The following PARN variants were observed in gnomAD, a reference collection of about 807,000 sequenced individuals.
PARN encodes poly(A)-specific ribonuclease, also known as poly(A)-specific ribonuclease PARN.
Under a neutral mutation model 102.8 loss-of-function variants are expected in PARN, and 71 were observed. The observed-to-expected ratio is 0.69, with a 90% CI of 0.57 to 0.84. The LOEUF (loss-of-function observed/expected upper bound fraction) is 0.84. Among genes scored for constraint, PARN ranks in the 40% least tolerant of loss-of-function variants. The probability of loss-of-function intolerance (pLI) is 0.00; values close to 1 mark genes in which losing one functional copy is unlikely to be tolerated. For missense variants in PARN, 782 were observed against 760.9 expected (o/e 1.03, Z -0.33); for synonymous variants, 261 against 252.9 (o/e 1.03, Z -0.30).
At chr16:14,622,616 T>C (rs1011164160) in intron 5 of PARN, among the ~76,000 whole-genome samples, 1 of 152,236 alleles carries the variant, frequency 6.6e-6, no homozygotes, top group Non-Finnish European at 1.5e-5. Context: ...ACCATTCTCC[T>C]GCCTCAGCCT....
At chr16:14,607,048 T>A (rs1452338782) in intron 9 of PARN, among the ~76,000 whole-genome samples, 1 of 151,918 alleles carries the variant, frequency 6.6e-6, no homozygotes. Context: ...CCCAAAGTAT[T>A]GGGATTACAG....
Position 14,446,403 on chromosome 16 carries a change from A to T in PARN, c.1864+485T>A, listed in dbSNP as rs142462289. Among the ~76,000 whole-genome samples the T allele has an allele frequency of 8.5e-5, 13 of 152,324 alleles. No individual in the cohort carries two copies. The East Asian group carries it at 2.5e-3, about 29-fold the overall frequency. On this transcript the variant is annotated intron_variant, in intron 23 of 23. Coordinates refer to ENST00000437198, the MANE Select transcript of PARN (RefSeq NM_002582.4). The stretch of plus-strand genomic sequence containing the variant: ...AATAAGGAGAGAAATGGCTCCTACT[A>T]CAGCGTCTAGCATGTAGTAGGCTCT...
At chr16:14,563,695 C>G (rs1968248037) in intron 18 of PARN, among the ~76,000 whole-genome samples, 1 of 148,966 alleles carries the variant, frequency 6.7e-6, no homozygotes, top group South Asian at 2.1e-4. Flanking sequence ...ACCACCGCAC[C>G]TGGCTTTTTT....
Position 14,593,330 on chromosome 16 carries a change from CTG to C in PARN, c.887_888del (p.Thr296SerfsTer14), listed in dbSNP as rs1970309647. On this transcript the variant is annotated frameshift_variant, in exon 13 of 24. Coordinates refer to ENST00000437198, the MANE Select transcript of PARN (RefSeq NM_002582.4). LOFTEE classifies it high-confidence loss of function. ...GHNMLLDVMHTVHQFYCPLPA... is the reference protein window; with the variant it reads ...GHNMLLDVMHXVHQFYCPLPA... ...GGCAGAGGGCAGTAGAACTGATGAA[CTG>C]TGTGCATGACGTCCAAGAGCATATT... 1 of 1,606,524 alleles carries C rather than the reference CTG, an allele frequency of 6.2e-7. No individual in the cohort carries two copies. Among genetic ancestry groups the C allele is most frequent in the Non-Finnish European group, 8.5e-7 (1 of 1,173,320 alleles).
chr16:14,622,528 G>A (rs765444133), intron 5 of PARN, among the ~76,000 whole-genome samples: 28 of 152,156 alleles, frequency 1.8e-4, no homozygotes, highest in Non-Finnish European at 7.4e-5. Context: ...TATTTGAGAC[G>A]GAGTCTCGCT....
At position 14,564,460 on chromosome 16, in the gene PARN, C is replaced by T. The variant is rs76461960; in HGVS notation, c.1263-8751G>A. ...GGCCGGAGATCAAAAGGACAACCTT[C>T]CCACGACTGTAGTGCAAAGCAAGCT... On this transcript the variant is annotated intron_variant, in intron 18 of 23. Coordinates refer to ENST00000437198, the MANE Select transcript of PARN (RefSeq NM_002582.4). 9.2e-3 allele frequency among the ~76,000 whole-genome samples: 1,400 copies of T among 152,310 alleles called. 16 individuals carry two copies. Among genetic ancestry groups the T allele is most frequent in the African/African-American group, 0.031 (1,282 of 41,556 alleles).
At chr16:14,544,843 A>C (rs925920525) in intron 21 of PARN, among the ~76,000 whole-genome samples, 1 of 152,190 alleles carries the variant, frequency 6.6e-6, no homozygotes, top group Non-Finnish European at 1.5e-5. Flanking sequence ...AGGCGATTTT[A>C]ACCCTTCTCA....
At chr16:14,489,984 C>A (rs1963969847) in intron 21 of PARN, among the ~76,000 whole-genome samples, 1 of 152,220 alleles carries the variant, frequency 6.6e-6, no homozygotes, top group South Asian at 2.1e-4. Context: ...GCCTGGGTAA[C>A]ATGGTGAAAC....
chr16:14,536,035 A>T (rs1201512414), intron 21 of PARN, among the ~76,000 whole-genome samples: 2 of 152,240 alleles, frequency 1.3e-5, no homozygotes, highest in African/African-American at 2.4e-5. Flanking sequence ...TAAATTTAAA[A>T]ATTGTATTAC....
intron 22 of PARN, among the ~76,000 whole-genome samples, chr16:14,465,706 C>T (rs1264922000): frequency 6.6e-6 from 1 of 151,848 alleles, no homozygotes; most frequent in African/African-American, 2.4e-5. Flanking sequence ...ATAGCCAAAA[C>T]AATTATGAAA....
chr16:14,621,735 CG>C (rs1397742366), intron 5 of PARN, among the ~76,000 whole-genome samples: 1 of 149,528 alleles, frequency 6.7e-6, no homozygotes, highest in Non-Finnish European at 1.5e-5. Context: ...GGCGTGAACA[CG>C]GGAGGCAGAG....
At chr16:14,561,321 C>T (rs1311615025) in intron 18 of PARN, among the ~76,000 whole-genome samples, 1 of 152,172 alleles carries the variant, frequency 6.6e-6, no homozygotes, top group Non-Finnish European at 1.5e-5. Context: ...ATCAGCATCA[C>T]CTGGGAACTT....
intron 13 of PARN, among the ~76,000 whole-genome samples, chr16:14,592,699 A>G (rs1970269958): frequency 6.6e-6 from 1 of 152,144 alleles, no homozygotes; most frequent in African/African-American, 2.4e-5. Context: ...TGCTATGTCT[A>G]ATTGTAGCAG....
chr16:14,506,625 G>A (rs1018789725), intron 21 of PARN, among the ~76,000 whole-genome samples: 1 of 152,198 alleles, frequency 6.6e-6, no homozygotes, highest in South Asian at 2.1e-4. Context: ...ATATGTGTGT[G>A]TCTGCAGAGA....
At chr16:14,482,924 C>T (rs1963463783) in intron 21 of PARN, 97 bp from the exon 22 acceptor site, 5 of 980,908 alleles carry the variant, frequency 5.1e-6, no homozygotes, top group Non-Finnish European at 7.3e-6. Context: ...GTCAAAGGAG[C>T]CCCATCAGGC....
intron 12 of PARN, among the ~76,000 whole-genome samples, chr16:14,594,221 T>C (rs1461603615): frequency 6.6e-6 from 1 of 152,198 alleles, no homozygotes; most frequent in Non-Finnish European, 1.5e-5. Flanking sequence ...GGCATGTTCT[T>C]AAACACACAT....
rs539613236 is a variant in PARN at position 14,585,389 on chromosome 16, T to C, written c.963-598A>G. ...GTTTTTTTTTTTTTTTTTTTTCATA[T>C]AAATGTGAACAGAGTGGGTAACAGG... is the stretch of plus-strand genomic sequence containing the variant. On this transcript the variant is annotated intron_variant, in intron 14 of 23. Transcript: ENST00000437198. Among the ~76,000 whole-genome samples, 4 of 134,884 alleles carry C rather than the reference T, an allele frequency of 3.0e-5. No homozygotes were observed. The East Asian group carries it at 8.4e-4, about 28-fold the overall frequency. 88.5% of individuals were successfully genotyped at this position (134,884 alleles called of 152,430 possible).
intron 4 of PARN, 36 bp from the exon 5 acceptor site, chr16:14,627,223 T>G (rs777297041): frequency 1.9e-6 from 3 of 1,570,134 alleles, no homozygotes; most frequent in Non-Finnish European, 2.6e-6. Flanking sequence ...GGAGGTGACA[T>G]TGTGCCACAA....
At chr16:14,498,122 CAAAAA>C (rs34124932) in intron 21 of PARN, among the ~76,000 whole-genome samples, 1 of 44,894 alleles carries the variant, frequency 2.2e-5, no homozygotes. Flanking sequence ...GACTCCATCT[CAAAAA>C]AAAAAAAAAA....
Sources: allele counts gnomAD v4.1 joint callset (sites outside exome capture counted in the v4.1 genomes callset), GRCh38; gene constraint gnomAD v4.1.1; transcripts MANE v1.5; gene names NCBI Gene and HGNC (gene_info 2026-07-23, HGNC 2026-07-21).